Variants in CPVL observed in about 807,000 individuals in gnomAD.
CPVL encodes the protein probable serine carboxypeptidase CPVL.
CPVL carries 51 observed loss-of-function variants against 63.7 expected under a neutral mutation model. That is an observed-to-expected ratio of 0.80 (90% CI 0.64 to 1.01). The LOEUF (loss-of-function observed/expected upper bound fraction) is 1.01. Among genes scored for constraint, CPVL ranks in the 50% least tolerant of loss-of-function variants. CPVL has a pLI of 0.00. For synonymous variants in CPVL, 195 were observed against 206.0 expected (o/e 0.95, Z 0.46); for missense variants, 530 against 573.1 (o/e 0.92, Z 0.77).
intron 10 of CPVL, 131 bp downstream of exon 10, chr7:29,065,892 C>G (rs1442269611): frequency 1.9e-6 from 1 of 536,204 alleles, no homozygotes; most frequent in East Asian, 3.0e-5. Context: ...GTTAGTAGAC[C>G]ACATCACGCG....
chr7:29,068,037 C>T (rs966806433), intron 9 of CPVL, among the ~76,000 whole-genome samples: 25 of 149,902 alleles, frequency 1.7e-4, no homozygotes, highest in African/African-American at 5.7e-4. Context: ...TGGAGTCTCG[C>T]ACTGTCACTC....
chr7:29,068,187 G>T (rs1197834282), intron 9 of CPVL, among the ~76,000 whole-genome samples: 2 of 151,434 alleles, frequency 1.3e-5, no homozygotes, highest in Non-Finnish European at 2.9e-5. Context: ...TTTTGTGTGT[G>T]TGTATTTTTA....
chr7:29,067,189 G>A (rs1783218784), intron 9 of CPVL, among the ~76,000 whole-genome samples: 1 of 152,168 alleles, frequency 6.6e-6, no homozygotes, highest in African/African-American at 2.4e-5. Flanking sequence ...CTAAGATGAG[G>A]AGGAGAACAA....
chr7:29,166,310 A>G (rs1157865541), intron 5 of CPVL, among the ~76,000 whole-genome samples: 2 of 152,192 alleles, frequency 1.3e-5, no homozygotes, highest in African/African-American at 2.4e-5. Flanking sequence ...GATTAGAGGC[A>G]TGAGCCACTG....
rs377629191 is a variant in CPVL, at chr7:29,155,105, A to G, written c.-11+26185T>C. 1.8e-4 allele frequency among the ~76,000 whole-genome samples: 28 copies of G among 152,204 alleles called. No individual in the cohort carries two copies. In the South Asian group the frequency reaches 5.4e-3, roughly 29 times the overall value. On this transcript the variant is annotated intron_variant, in intron 5 of 16. Transcript: ENST00000409850. ...GCACAGGACCTGCCCCCATGATTCA[A>G]TTACCTCCCACCAGGTCCCTCCCAC...
In CPVL at chr7:29,073,771, G is replaced by A. The variant is rs182082141; in HGVS notation, c.610-1348C>T. Reference sequence around the variant, plus strand: ...CTACCCATACTAGAATATAAGATCCGTGAATACAGGGACATTTGTCTGTTT... The same window carrying A: ...CTACCCATACTAGAATATAAGATCCATGAATACAGGGACATTTGTCTGTTT... On this transcript the variant is annotated intron_variant, in intron 7 of 12. Coordinates refer to ENST00000265394, the MANE Select transcript of CPVL (RefSeq NM_031311.5). 2.0e-3 allele frequency among the ~76,000 whole-genome samples: 305 copies of A among 152,214 alleles called. 1 individual carries two copies. Among genetic ancestry groups the A allele is most frequent in the African/African-American group, 6.1e-3 (253 of 41,508 alleles).
intron 12 of CPVL, among the ~76,000 whole-genome samples, chr7:29,019,096 A>G (rs1164864392): frequency 6.6e-6 from 1 of 152,112 alleles, no homozygotes; most frequent in African/African-American, 2.4e-5. Flanking sequence ...CATAGAGAGC[A>G]TTATGACATT....
intron 5 of CPVL, among the ~76,000 whole-genome samples, chr7:29,175,405 A>G (rs1797174625): frequency 6.6e-6 from 1 of 151,932 alleles, no homozygotes; most frequent in South Asian, 2.1e-4. Flanking sequence ...CAAACTCCAG[A>G]CTTCGGGTTT....
intron 9 of CPVL, among the ~76,000 whole-genome samples, chr7:29,067,887 G>A (rs577088512): frequency 6.6e-6 from 1 of 152,198 alleles, no homozygotes; most frequent in South Asian, 2.1e-4. Context: ...TCCTGAGCCT[G>A]CACACTCAAC....
At chr7:29,070,957 A>G (rs1783671812) in intron 9 of CPVL, among the ~76,000 whole-genome samples, 1 of 152,218 alleles carries the variant, frequency 6.6e-6, no homozygotes, top group African/African-American at 2.4e-5. Flanking sequence ...GTTACAGAAT[A>G]TGTGTCTAAT....
At chr7:29,130,204 G>C (rs1302322892) in intron 1 of CPVL, among the ~76,000 whole-genome samples, 8 of 152,184 alleles carry the variant, frequency 5.3e-5, no homozygotes, top group Admixed American at 5.2e-4. Flanking sequence ...GGGTGTGAAG[G>C]CACAAAACCC....
chr7:29,017,735 C>T (rs1230794934), intron 12 of CPVL, among the ~76,000 whole-genome samples: 1 of 152,214 alleles, frequency 6.6e-6, no homozygotes, highest in Non-Finnish European at 1.5e-5. Context: ...ATGTGAAATA[C>T]ATTATTTCTC....
At chr7:29,024,828 C>T (rs1787334441) in intron 12 of CPVL, among the ~76,000 whole-genome samples, 1 of 152,138 alleles carries the variant, frequency 6.6e-6, no homozygotes, top group Admixed American at 6.5e-5. Flanking sequence ...ACTGGCCCTA[C>T]AAGAAATGCT....
intron 6 of CPVL, among the ~76,000 whole-genome samples, chr7:29,088,037 C>T (rs1584225967): frequency 6.6e-6 from 1 of 152,204 alleles, no homozygotes; most frequent in East Asian, 1.9e-4. Context: ...TTCCTTTTCT[C>T]TCTTCCTGCT....
chr7:29,021,877 C>G (rs1478217380), intron 12 of CPVL, among the ~76,000 whole-genome samples: 2 of 152,092 alleles, frequency 1.3e-5, no homozygotes. Flanking sequence ...AGACACCCCC[C>G]TACATCTACT....
intron 11 of CPVL, among the ~76,000 whole-genome samples, chr7:29,052,727 G>A (rs561853542): frequency 3.5e-4 from 54 of 152,236 alleles, no homozygotes; most frequent in Non-Finnish European, 6.2e-4. Flanking sequence ...GGCTCACACG[G>A]TGAAACCCTG....
intron 1 of CPVL, among the ~76,000 whole-genome samples, chr7:29,141,198 T>C (rs1314027805): frequency 6.6e-6 from 1 of 152,210 alleles, no homozygotes; most frequent in Non-Finnish European, 1.5e-5. Context: ...GTACCTAGCA[T>C]ACAGTCAGTA....
Position 29,120,958 on chromosome 7 carries a change from G to C in CPVL, c.104C>G (p.Pro35Arg). 2 of 1,613,918 alleles carry C rather than the reference G, an allele frequency of 1.2e-6. No homozygotes were observed. The highest frequency in any genetic ancestry group is 1.7e-6 in the Non-Finnish European group (2 of 1,179,972). Reference protein sequence around the residue: ...RSLYRSVSMPPKGDSGQPLFL... With the variant: ...RSLYRSVSMPRKGDSGQPLFL... The stretch of plus-strand genomic sequence containing the variant: ...TAATGGCTGTCCTGAGTCTCCCTTA[G>C]GTGGCATGGAAACACTTCTGTATAG... Residue 35 changes from proline to arginine, a missense_variant, in exon 2 of 13, where the codon CCT becomes CGT. Physicochemically the swap from Pro to Arg is moderately radical, Grantham distance 103. Transcript: ENST00000265394.
intron 11 of CPVL, among the ~76,000 whole-genome samples, chr7:29,041,200 C>T (rs1268589264): frequency 1.4e-5 from 2 of 145,722 alleles, no homozygotes; most frequent in Non-Finnish European, 3.0e-5. Context: ...GGTGCGATCT[C>T]GGCTCACTGC....
Sources: allele counts gnomAD v4.1 joint callset (sites outside exome capture counted in the v4.1 genomes callset), GRCh38; gene constraint gnomAD v4.1.1; transcripts MANE v1.5; gene names NCBI Gene and HGNC (gene_info 2026-07-23, HGNC 2026-07-21).